The following GPC5 variants were observed in gnomAD, a reference collection of about 807,000 sequenced individuals.
The protein encoded by GPC5 is glypican 5, also known as glypican-5.
In GPC5, 47 loss-of-function variants were observed where a neutral mutation model predicts 53.9. The ratio of observed to expected loss-of-function variants is 0.87; its 90% CI spans 0.69 to 1.11. The LOEUF (loss-of-function observed/expected upper bound fraction) is 1.11. Among genes scored for constraint, GPC5 ranks in the 50% most tolerant of loss-of-function variants. The pLI is 0.00. For missense variants in GPC5, 748 were observed against 713.1 expected, an observed-to-expected ratio of 1.05 and a Z score of -0.56; for synonymous variants, 286 against 263.3, an observed-to-expected ratio of 1.09 and a Z score of -0.84.
intron 7 of GPC5, among the ~76,000 whole-genome samples, chr13:92,488,133 G>A (rs9556184): frequency 0.63 from 95,759 of 151,826 alleles, 30,380 homozygotes; most frequent in East Asian, 0.74. Flanking sequence ...GTGTGTGCGC[G>A]TGTGTGTGTG....
chr13:91,573,342 G>T (rs1162042060), intron 2 of GPC5, among the ~76,000 whole-genome samples: 1 of 152,094 alleles, frequency 6.6e-6, no homozygotes, highest in Non-Finnish European at 1.5e-5. Context: ...TTTTAGTATG[G>T]CATACGCATA....
intron 7 of GPC5, among the ~76,000 whole-genome samples, chr13:92,547,819 C>CTT (rs567478017): frequency 0.22 from 21,898 of 100,024 alleles, 3,692 homozygotes; most frequent in African/African-American, 0.25. Flanking sequence ...GCCTATTATT[C>CTT]TTTTTTTTTT....
At chr13:91,583,042 A>G (rs1214015514) in intron 2 of GPC5, among the ~76,000 whole-genome samples, 1 of 152,162 alleles carries the variant, frequency 6.6e-6, no homozygotes, top group Non-Finnish European at 1.5e-5. Context: ...TATAGTAAAA[A>G]CATTTAGCAT....
At chr13:91,784,930 C>T (rs1267090379) in intron 5 of GPC5, among the ~76,000 whole-genome samples, 1 of 152,298 alleles carries the variant, frequency 6.6e-6, no homozygotes, top group East Asian at 1.9e-4. Flanking sequence ...AGTTTAATGT[C>T]ACCAGTGACC....
intron 7 of GPC5, among the ~76,000 whole-genome samples, chr13:92,189,652 T>C (rs1367449750): frequency 6.6e-6 from 1 of 151,958 alleles, no homozygotes; most frequent in African/African-American, 2.4e-5. Flanking sequence ...GAGTCAGATA[T>C]GGCAGGGTTT....
chr13:92,863,282 T>C (rs1879238020), intron 7 of GPC5, among the ~76,000 whole-genome samples: 1 of 152,200 alleles, frequency 6.6e-6, no homozygotes, highest in Non-Finnish European at 1.5e-5. Context: ...TTATGGTCAC[T>C]TAACTTTCTA....
At chr13:91,686,298 G>A (rs2035621451) in intron 2 of GPC5, among the ~76,000 whole-genome samples, 1 of 151,970 alleles carries the variant, frequency 6.6e-6, no homozygotes, top group Non-Finnish European at 1.5e-5. Flanking sequence ...GGAAATGAGG[G>A]AGGAAGAGAG....
intron 1 of GPC5, among the ~76,000 whole-genome samples, chr13:91,411,886 T>C (rs574011826): frequency 6.6e-6 from 1 of 152,382 alleles, no homozygotes; most frequent in Non-Finnish European, 1.5e-5. Flanking sequence ...GTATTTAAAA[T>C]GTATAGAAAC....
intron 6 of GPC5, among the ~76,000 whole-genome samples, chr13:92,052,697 A>G (rs146815694): frequency 9.0e-4 from 137 of 152,276 alleles, no homozygotes; most frequent in African/African-American, 3.2e-3. Context: ...GCTAGACAGA[A>G]AAGTTTTCCA....
intron 7 of GPC5, among the ~76,000 whole-genome samples, chr13:92,419,462 C>T (rs982077959): frequency 1.3e-5 from 2 of 152,126 alleles, no homozygotes; most frequent in African/African-American, 4.8e-5. Context: ...ATCCTGTGGT[C>T]ACACTGTAGG....
At chr13:92,050,330 A>T (rs547257668) in intron 6 of GPC5, among the ~76,000 whole-genome samples, 155 of 151,906 alleles carry the variant, frequency 1.0e-3, no homozygotes, top group East Asian at 2.7e-3. Flanking sequence ...TATTTTTTTT[A>T]AAAAAAGCAA....
At chr13:92,062,404 A>G (rs1367720105) in intron 6 of GPC5, among the ~76,000 whole-genome samples, 1 of 151,996 alleles carries the variant, frequency 6.6e-6, no homozygotes, top group African/African-American at 2.4e-5. Flanking sequence ...GATTTTCCAA[A>G]CACTGCTAAA....
intron 7 of GPC5, among the ~76,000 whole-genome samples, chr13:92,696,033 C>CT (rs1342349130): frequency 6.6e-6 from 1 of 152,096 alleles, no homozygotes; most frequent in African/African-American, 2.4e-5. Context: ...TGAACTCATC[C>CT]TTTTTTATGG....
intron 7 of GPC5, among the ~76,000 whole-genome samples, chr13:92,512,959 G>A (rs768203134): frequency 1.3e-5 from 2 of 152,144 alleles, no homozygotes; most frequent in Non-Finnish European, 2.9e-5. Context: ...CACGTGATGC[G>A]ATGTTGTCAC....
At chr13:92,320,729 T>A (rs1208403450) in intron 7 of GPC5, among the ~76,000 whole-genome samples, 1 of 152,084 alleles carries the variant, frequency 6.6e-6, no homozygotes, top group South Asian at 2.1e-4. Flanking sequence ...CAAATCTGAT[T>A]AACAACTAGA....
At chr13:91,421,532 A>G (rs1878635885) in intron 1 of GPC5, among the ~76,000 whole-genome samples, 1 of 152,180 alleles carries the variant, frequency 6.6e-6, no homozygotes, top group Non-Finnish European at 1.5e-5. Context: ...TGCAACAACA[A>G]AAAAATCCTT....
intron 7 of GPC5, among the ~76,000 whole-genome samples, chr13:92,647,565 G>GA (rs1020090944): frequency 6.6e-6 from 1 of 152,010 alleles, no homozygotes; most frequent in Non-Finnish European, 1.5e-5. Flanking sequence ...TGGACACCAA[G>GA]AAAATCTCAT....
intron 2 of GPC5, among the ~76,000 whole-genome samples, chr13:91,494,102 G>A (rs999366028): frequency 1.3e-5 from 2 of 151,634 alleles, no homozygotes; most frequent in Admixed American, 6.6e-5. Context: ...ATGTTGGCCA[G>A]GATGGTCTCT....
intron 5 of GPC5, among the ~76,000 whole-genome samples, chr13:91,785,973 A>G (rs574358333): frequency 3.9e-4 from 60 of 151,954 alleles, no homozygotes; most frequent in African/African-American, 1.4e-3. Context: ...CAGGTCTGTC[A>G]CTCTCTACTA....
Sources: allele counts gnomAD v4.1 joint callset (sites outside exome capture counted in the v4.1 genomes callset), GRCh38; gene constraint gnomAD v4.1.1; transcripts MANE v1.5; gene names NCBI Gene and HGNC (gene_info 2026-07-23, HGNC 2026-07-21).